Variants in CACNA2D1 observed in about 807,000 individuals in gnomAD.
CACNA2D1 encodes calcium voltage-gated channel auxiliary subunit alpha2delta 1.
In CACNA2D1, 53 loss-of-function variants were observed where a neutral mutation model predicts 171.5. That is an observed-to-expected ratio of 0.31 (90% confidence interval 0.25 to 0.39). CACNA2D1 has a LOEUF of 0.39. Ranked by LOEUF, CACNA2D1 falls within the 10% of genes least tolerant of loss-of-function variation. The probability of loss-of-function intolerance (pLI) is 1.00; values close to 1 mark genes in which losing one functional copy is unlikely to be tolerated. For missense variants in CACNA2D1, 903 were observed against 1,299.8 expected, an observed-to-expected ratio of 0.69 and a Z score of 4.69; for synonymous variants, 442 against 443.1, an observed-to-expected ratio of 1.00 and a Z score of 0.03.
chr7:82,031,160 TG>T (rs1408856195), intron 12 of CACNA2D1, among the ~76,000 whole-genome samples: 1 of 151,626 alleles, frequency 6.6e-6, no homozygotes, highest in Non-Finnish European at 1.5e-5. Context: ...AGAGGAGAGA[TG>T]CCATGGGTAG....
intron 5 of CACNA2D1, among the ~76,000 whole-genome samples, chr7:82,123,001 A>T (rs1487996907): frequency 6.6e-6 from 1 of 152,204 alleles, no homozygotes; most frequent in Non-Finnish European, 1.5e-5. Flanking sequence ...CTAATTTAAG[A>T]GATCACACAG....
At chr7:82,121,355 C>G (rs1789712684) in intron 5 of CACNA2D1, among the ~76,000 whole-genome samples, 1 of 152,160 alleles carries the variant, frequency 6.6e-6, no homozygotes, top group Non-Finnish European at 1.5e-5. Context: ...CCACGCCCAT[C>G]TTGAAAAGCT....
intron 25 of CACNA2D1, among the ~76,000 whole-genome samples, chr7:81,972,351 TTA>T (rs1255476114): frequency 6.6e-6 from 1 of 151,826 alleles, no homozygotes; most frequent in Non-Finnish European, 1.5e-5. Flanking sequence ...CTTTCATTTG[TTA>T]TAAGAAAAGC....
Position 81,993,691 on chromosome 7 carries a change from C to G in CACNA2D1, c.1734+1177G>C, listed in dbSNP as rs568083703. On this transcript the variant is annotated intron_variant, in intron 20 of 38. Transcript: ENST00000356860. ...TTGAAATACCAATATACATAGAAAT[C>G]TGGAGTACAAGGCAATGTAGTAATT... Among the ~76,000 whole-genome samples, 29 of 152,098 alleles carry G rather than the reference C, an allele frequency of 1.9e-4. No individual in the cohort carries two copies. In the South Asian group the frequency reaches 5.6e-3, roughly 29 times the overall value.
At chr7:82,076,246 TG>T (rs1775283870) in intron 7 of CACNA2D1, among the ~76,000 whole-genome samples, 1 of 152,148 alleles carries the variant, frequency 6.6e-6, no homozygotes, top group Non-Finnish European at 1.5e-5. Context: ...CATCCTTTTG[TG>T]TATGTGTAAA....
At chr7:82,165,650 T>C (rs1042509830) in intron 4 of CACNA2D1, among the ~76,000 whole-genome samples, 4 of 152,016 alleles carry the variant, frequency 2.6e-5, no homozygotes, top group Non-Finnish European at 4.4e-5. Context: ...TTACATTACA[T>C]TGGTTTTCCA....
chr7:82,037,295 A>G (rs1396152210), intron 11 of CACNA2D1, among the ~76,000 whole-genome samples: 1 of 152,202 alleles, frequency 6.6e-6, no homozygotes, highest in East Asian at 1.9e-4. Context: ...CTTGGCCAAC[A>G]TGGTGAAACC....
chr7:82,152,567 T>TA (rs1426108683), intron 4 of CACNA2D1, among the ~76,000 whole-genome samples: 6 of 151,960 alleles, frequency 3.9e-5, no homozygotes, highest in Non-Finnish European at 5.9e-5. Flanking sequence ...TATGAGATAG[T>TA]ATTATATCAT....
intron 3 of CACNA2D1, among the ~76,000 whole-genome samples, chr7:82,286,703 A>G (rs556342063): frequency 6.6e-5 from 10 of 152,192 alleles, no homozygotes; most frequent in Non-Finnish European, 1.5e-4. Flanking sequence ...ATCTGGTCTT[A>G]AAAAGCTTTA....
intron 3 of CACNA2D1, among the ~76,000 whole-genome samples, chr7:82,171,722 C>T (rs1163375268): frequency 6.6e-6 from 1 of 152,012 alleles, no homozygotes; most frequent in East Asian, 1.9e-4. Flanking sequence ...TTGTGGTTTG[C>T]CTTATGCAGC....
chr7:82,344,160 T>C (rs1028325990), intron 2 of CACNA2D1, among the ~76,000 whole-genome samples: 1 of 152,220 alleles, frequency 6.6e-6, no homozygotes, highest in Admixed American at 6.5e-5. Context: ...TTGGCCTCTA[T>C]GCCAACAGTA....
intron 3 of CACNA2D1, among the ~76,000 whole-genome samples, chr7:82,241,353 A>G (rs577421897): frequency 1.7e-4 from 26 of 152,280 alleles, no homozygotes; most frequent in Admixed American, 6.5e-4. Flanking sequence ...CTACACCACA[A>G]GGTAACTGCA....
At chr7:82,162,384 A>T (rs1462080843) in intron 4 of CACNA2D1, among the ~76,000 whole-genome samples, 2 of 152,020 alleles carry the variant, frequency 1.3e-5, no homozygotes, top group African/African-American at 4.8e-5. Context: ...ACGAAAGAGA[A>T]GATAGCATAA....
At chr7:82,334,288 A>C (rs1048519304) in intron 3 of CACNA2D1, among the ~76,000 whole-genome samples, 2 of 152,174 alleles carry the variant, frequency 1.3e-5, no homozygotes, top group Admixed American at 1.3e-4. Context: ...TATAAAGCTG[A>C]CTGCGAATAC....
intron 3 of CACNA2D1, among the ~76,000 whole-genome samples, chr7:82,240,800 C>T (rs1217944971): frequency 6.6e-6 from 1 of 151,994 alleles, no homozygotes; most frequent in Non-Finnish European, 1.5e-5. Context: ...AACCCTGTCT[C>T]TACTAAAAAT....
Position 81,959,355 on chromosome 7 carries a change from C to T in CACNA2D1, c.3079G>A (p.Asp1027Asn), listed in dbSNP as rs745426117. 1.2e-6 allele frequency: 2 copies of T among 1,603,220 alleles called. No individual in the cohort carries two copies. The highest frequency in any genetic ancestry group is 1.7e-6 in the Non-Finnish European group (2 of 1,170,312). ...ACCATGTCACAAGGATTTGGACCGTCAGCTAAAAGAGACTTGTTAAGGAAT... is the reference window on the plus strand; with the variant it reads ...ACCATGTCACAAGGATTTGGACCGTTAGCTAAAAGAGACTTGTTAAGGAAT... The part of the protein sequence containing the change: ...RLLIQAEQTS[D>N]GPNPCDMVKQ... Residue 1027 changes from aspartate to asparagine, a missense_variant and splice_region_variant, in exon 38 of 39, where the codon GAC becomes AAC. By Grantham distance (23) the Asp-to-Asn change is conservative. Coordinates refer to ENST00000356860, the MANE Select transcript of CACNA2D1 (RefSeq NM_000722.4).
intron 1 of CACNA2D1, among the ~76,000 whole-genome samples, chr7:82,393,298 T>C (rs1348350081): frequency 6.6e-6 from 1 of 152,192 alleles, no homozygotes; most frequent in African/African-American, 2.4e-5. Flanking sequence ...TAGGGAAACA[T>C]TGACCTCTTA....
At chr7:82,361,272 C>G (rs975538171) in intron 1 of CACNA2D1, among the ~76,000 whole-genome samples, 1 of 152,220 alleles carries the variant, frequency 6.6e-6, no homozygotes, top group Middle Eastern at 3.4e-3. Flanking sequence ...ACCTAAACTA[C>G]GTTTTTTACC....
At chr7:82,171,115 A>G (rs1423224054) in intron 3 of CACNA2D1, among the ~76,000 whole-genome samples, 1 of 152,064 alleles carries the variant, frequency 6.6e-6, no homozygotes, top group African/African-American at 2.4e-5. Flanking sequence ...GTACATCTTT[A>G]GTAGTTCTTT....
Sources: gnomAD v4.1 joint callset for allele counts (sites outside exome capture counted in the v4.1 genomes callset) on GRCh38, gnomAD v4.1.1 for gene constraint, MANE v1.5 for transcripts, NCBI Gene and HGNC (gene_info 2026-07-23, HGNC 2026-07-21) for gene names.